The following FAM178B variants were observed in gnomAD, a reference collection of about 807,000 sequenced individuals.
The protein encoded by FAM178B is protein FAM178B.
Under a neutral mutation model 91.7 loss-of-function variants are expected in FAM178B, and 82 were observed. That is an observed-to-expected ratio of 0.89 (90% CI 0.75 to 1.07). FAM178B has a LOEUF of 1.07. Ranked by LOEUF, FAM178B falls within the 50% of genes least tolerant of loss-of-function variation. The pLI is 0.00. For synonymous variants in FAM178B, 368 were observed against 359.4 expected, an observed-to-expected ratio of 1.02 and a Z score of -0.27; for missense variants, 769 against 846.7, an observed-to-expected ratio of 0.91 and a Z score of 1.14.
chr2:96,880,130 C>A (rs553440012), intron 14 of FAM178B, among the ~76,000 whole-genome samples: 3 of 152,346 alleles, frequency 2.0e-5, no homozygotes, highest in East Asian at 3.9e-4. Flanking sequence ...TCTGCACAGA[C>A]CAAAAGGAGA....
chr2:96,943,779 G>A (rs959052260), intron 8 of FAM178B, among the ~76,000 whole-genome samples: 16 of 151,936 alleles, frequency 1.1e-4, no homozygotes, highest in Admixed American at 7.2e-4. Flanking sequence ...CTTCCACCTC[G>A]TCTTTGTTCC....
At chr2:96,914,344 C>A (rs181076063) in intron 12 of FAM178B, among the ~76,000 whole-genome samples, 2 of 152,066 alleles carry the variant, frequency 1.3e-5, no homozygotes. Flanking sequence ...TACCAACGTG[C>A]GGGCATGAGG....
intron 1 of FAM178B, among the ~76,000 whole-genome samples, chr2:96,975,885 A>G (rs1046899119): frequency 6.6e-6 from 1 of 152,208 alleles, no homozygotes; most frequent in Admixed American, 6.5e-5. Context: ...AAGTTTGGGA[A>G]TACAGGCATG....
In FAM178B at chr2:96,877,918, T is replaced by C. The variant is rs761235104; in HGVS notation, c.1979A>G (p.Gln660Arg). The change falls in exon 16 of 17, where the codon CAG (glutamine) becomes CGG (arginine). Residue 660 changes from glutamine to arginine, a missense_variant. Gln to Arg is a conservative substitution (Grantham distance 43). Transcript: ENST00000490605. ...DLATQTYIRW[Q>R]ELLTHCQPQA... ...GGGCTGGCAGTGGGTCAGCAGCTCC[T>C]GCCAACGGATGTAGGTCTGGGTAGC... 2.2e-5 allele frequency: 36 copies of C among 1,613,680 alleles called. No individual in the cohort carries two copies. The highest frequency in any genetic ancestry group is 3.1e-5 in the Non-Finnish European group (36 of 1,180,002).
At chr2:96,923,713 G>C (rs946599833) in intron 9 of FAM178B, 130 bp from the exon 10 acceptor site, 3 of 683,070 alleles carry the variant, frequency 4.4e-6, no homozygotes. Flanking sequence ...CTTCCACACA[G>C]ATGATCTCAT....
intron 12 of FAM178B, among the ~76,000 whole-genome samples, chr2:96,909,513 G>T (rs2081115638): frequency 6.6e-6 from 1 of 152,140 alleles, no homozygotes; most frequent in Admixed American, 6.5e-5. Flanking sequence ...CCATCTTTTT[G>T]TATCTTTTTT....
intron 3 of FAM178B, 115 bp downstream of exon 3, chr2:96,971,786 T>C: frequency 1.9e-6 from 2 of 1,048,504 alleles, no homozygotes; most frequent in Non-Finnish European, 2.6e-6. Flanking sequence ...AGGTGAAGTG[T>C]CCGAGGAAGA....
At chr2:96,885,020 G>A (rs896037706) in intron 14 of FAM178B, among the ~76,000 whole-genome samples, 2 of 152,226 alleles carry the variant, frequency 1.3e-5, no homozygotes, top group Admixed American at 6.5e-5. Context: ...AGACGTCTTA[G>A]CCAGAGAGCA....
chr2:96,893,211 G>C (rs1357149438), intron 14 of FAM178B, among the ~76,000 whole-genome samples: 1 of 152,118 alleles, frequency 6.6e-6, no homozygotes, highest in Non-Finnish European at 1.5e-5. Context: ...AGGGGCAGCA[G>C]AGTACATCGA....
chr2:96,876,148 G>A lies in FAM178B; in HGVS notation c.*128C>T. 2 of 955,498 alleles carry A rather than the reference G, an allele frequency of 2.1e-6. No homozygotes were observed. Among genetic ancestry groups the A allele is most frequent in the Non-Finnish European group, 3.2e-6 (2 of 629,056 alleles). 59.2% of individuals were successfully genotyped at this position (955,498 alleles called of 1,614,324 possible). On this transcript the variant is annotated 3_prime_UTR_variant, in exon 17 of 17. Transcript: ENST00000490605. ...GGGGTCGGGGCGGTGGCAGGGGCAG[G>A]CTCTTGCCTCATCAGGCTGGTCAGC...
At chr2:96,889,237 T>C (rs1489590160) in intron 14 of FAM178B, among the ~76,000 whole-genome samples, 6 of 152,328 alleles carry the variant, frequency 3.9e-5, no homozygotes, top group African/African-American at 1.4e-4. Flanking sequence ...CCTTAGTTTC[T>C]TTCCATACAA....
intron 15 of FAM178B, 148 bp from the exon 16 acceptor site, chr2:96,878,190 G>T: frequency 1.1e-6 from 1 of 941,812 alleles, no homozygotes; most frequent in Non-Finnish European, 1.6e-6. Context: ...GATGGGGCCA[G>T]CACAACTGTT....
At chr2:96,969,810 G>T (rs146636993) in intron 4 of FAM178B, among the ~76,000 whole-genome samples, 2 of 152,330 alleles carry the variant, frequency 1.3e-5, no homozygotes, top group Non-Finnish European at 2.9e-5. Context: ...ATGACTCCAG[G>T]GCGGGCCAGA....
chr2:96,923,315 C>A (rs985936460), intron 10 of FAM178B, among the ~76,000 whole-genome samples, 175 bp downstream of exon 10: 1 of 152,230 alleles, frequency 6.6e-6, no homozygotes, highest in African/African-American at 2.4e-5. Flanking sequence ...GGGCCTAGAT[C>A]AGGACCCGTG....
chr2:96,910,621 TC>T (rs1317043731), intron 12 of FAM178B, among the ~76,000 whole-genome samples: 1 of 151,512 alleles, frequency 6.6e-6, no homozygotes, highest in African/African-American at 2.5e-5. Flanking sequence ...ACGCCGTTTG[TC>T]CGGCTACCTT....
chr2:96,880,515 A>AC, intron 14 of FAM178B, among the ~76,000 whole-genome samples: 1 of 152,306 alleles, frequency 6.6e-6, no homozygotes, highest in Admixed American at 6.5e-5. Context: ...GGGTATCCCT[A>AC]CCTTTCCTTT....
chr2:96,951,548 C>A (rs1322906639), intron 6 of FAM178B, 64 bp from the exon 7 acceptor site: 10 of 1,254,080 alleles, frequency 8.0e-6, no homozygotes, highest in Non-Finnish European at 1.1e-5. Context: ...TCGGTGACAC[C>A]GCGGGAGGCT....
chr2:96,937,711 C>G (rs1157379410), intron 8 of FAM178B, among the ~76,000 whole-genome samples: 1 of 152,162 alleles, frequency 6.6e-6, no homozygotes, highest in African/African-American at 2.4e-5. Flanking sequence ...ATCCTCTGAT[C>G]AGAGTCTAAA....
rs187457148 is a variant in FAM178B at position 96,982,486 on chromosome 2, C to T, written c.73+3755G>A. ...CCATATTACCCAGGCTGGTCTCGAA[C>T]TCCTGAGCTCAAGCAATCCACCCGC... On this transcript the variant is annotated intron_variant, in intron 1 of 16. Coordinates refer to ENST00000490605, the MANE Select transcript of FAM178B (RefSeq NM_001122646.3). Among the ~76,000 whole-genome samples, 37 of 152,190 alleles carry T rather than the reference C, an allele frequency of 2.4e-4. 1 individual carries two copies. The East Asian group carries it at 6.6e-3, about 27-fold the overall frequency.
Sources: gnomAD v4.1 joint callset for allele counts (sites outside exome capture counted in the v4.1 genomes callset) on GRCh38, gnomAD v4.1.1 for gene constraint, MANE v1.5 for transcripts, NCBI Gene and HGNC (gene_info 2026-07-23, HGNC 2026-07-21) for gene names.